NDUFAF2: variants seen among roughly 807,000 people sequenced by gnomAD.
NDUFAF2 encodes the protein NADH dehydrogenase [ubiquinone] 1 alpha subcomplex assembly factor 2.
NDUFAF2 carries 13 observed loss-of-function variants against 22.8 expected under a neutral mutation model. The ratio of observed to expected loss-of-function variants is 0.57; its 90% confidence interval spans 0.37 to 0.91. The LOEUF (loss-of-function observed/expected upper bound fraction) is 0.91. NDUFAF2 is among the 40% of genes least tolerant of loss of function. The pLI is 0.01. For synonymous variants in NDUFAF2, 53 were observed against 64.2 expected, an observed-to-expected ratio of 0.83 and a Z score of 0.84; for missense variants, 162 against 195.2, an observed-to-expected ratio of 0.83 and a Z score of 1.01.
intron 1 of NDUFAF2, among the ~76,000 whole-genome samples, chr5:61,023,561 A>C (rs968730968): frequency 6.6e-6 from 1 of 152,154 alleles, no homozygotes; most frequent in Non-Finnish European, 1.5e-5. Context: ...ATTTACATCT[A>C]CATCTTTTGG....
chr5:60,998,797 G>A (rs1028172992), intron 1 of NDUFAF2, among the ~76,000 whole-genome samples: 2 of 136,538 alleles, frequency 1.5e-5, no homozygotes, highest in African/African-American at 5.1e-5. Context: ...TTTATCAATT[G>A]TTCATAACTT....
At chr5:61,078,117 TA>T (rs1369574238) in intron 2 of NDUFAF2, among the ~76,000 whole-genome samples, 2 of 152,222 alleles carry the variant, frequency 1.3e-5, no homozygotes, top group Admixed American at 6.5e-5. Context: ...TTTTTGTTTT[TA>T]TCTCACTTTG....
chr5:60,952,894 A>G (rs1750566682), intron 1 of NDUFAF2, among the ~76,000 whole-genome samples: 1 of 152,080 alleles, frequency 6.6e-6, no homozygotes, highest in Admixed American at 6.5e-5. Flanking sequence ...CACATTTATA[A>G]TTGAAAGATA....
At chr5:61,079,352 T>C (rs1191873565) in intron 2 of NDUFAF2, among the ~76,000 whole-genome samples, 1 of 152,228 alleles carries the variant, frequency 6.6e-6, no homozygotes, top group African/African-American at 2.4e-5. Context: ...TGTTCTAGAA[T>C]CAAGACTTAT....
chr5:61,089,958 A>G (rs1029907838), intron 2 of NDUFAF2, among the ~76,000 whole-genome samples: 1 of 151,798 alleles, frequency 6.6e-6, no homozygotes, highest in African/African-American at 2.4e-5. Context: ...GCTGTTTTAT[A>G]GACTCATCAG....
chr5:61,048,046 C>G (rs1751975207), intron 1 of NDUFAF2, among the ~76,000 whole-genome samples: 2 of 152,146 alleles, frequency 1.3e-5, no homozygotes, highest in Non-Finnish European at 2.9e-5. Flanking sequence ...TTCCCTCTCA[C>G]AAGTGCCTTA....
intron 1 of NDUFAF2, among the ~76,000 whole-genome samples, chr5:61,066,737 T>A: frequency 6.6e-6 from 1 of 152,166 alleles, no homozygotes; most frequent in East Asian, 1.9e-4. Context: ...CCAAATATAG[T>A]CTAAATGGTA....
intron 1 of NDUFAF2, among the ~76,000 whole-genome samples, chr5:61,042,055 G>A (rs1009630449): frequency 2.0e-5 from 3 of 152,160 alleles, no homozygotes; most frequent in African/African-American, 4.8e-5. Flanking sequence ...TAATACGCTA[G>A]AGTCTTTTTT....
intron 3 of NDUFAF2, among the ~76,000 whole-genome samples, chr5:61,140,312 T>C (rs1275999584): frequency 2.0e-5 from 3 of 152,234 alleles, no homozygotes; most frequent in African/African-American, 7.2e-5. Flanking sequence ...CTCAATACCA[T>C]TGTCTTGGTT....
At chr5:61,053,499 A>G (rs1318771782) in intron 1 of NDUFAF2, among the ~76,000 whole-genome samples, 2 of 152,222 alleles carry the variant, frequency 1.3e-5, no homozygotes, top group Admixed American at 1.3e-4. Flanking sequence ...TTTATAGCTT[A>G]TGATCATAGA....
At position 61,102,248 on chromosome 5, in the gene NDUFAF2, T is replaced by C. The variant is rs556517438; in HGVS notation, c.258+3216T>C. Among the ~76,000 whole-genome samples, 3 of 152,274 alleles carry C rather than the reference T, an allele frequency of 2.0e-5. No homozygotes were observed. The East Asian group carries it at 5.8e-4, about 29-fold the overall frequency. ...CAGCCATGAAAAAGGAGATGAAAAT[T>C]AAAGGGCTAATACTGTCTGACTTTA... On this transcript the variant is annotated intron_variant, in intron 3 of 3. Transcript: ENST00000296597.
chr5:60,952,964 A>G (rs1193981981), intron 1 of NDUFAF2, among the ~76,000 whole-genome samples: 2 of 152,142 alleles, frequency 1.3e-5, no homozygotes, highest in Admixed American at 6.5e-5. Context: ...AAAAAGAGCA[A>G]TTAGCAAGCT....
chr5:61,064,256 A>G (rs1580118902), intron 1 of NDUFAF2, among the ~76,000 whole-genome samples: 1 of 152,136 alleles, frequency 6.6e-6, no homozygotes, highest in Non-Finnish European at 1.5e-5. Flanking sequence ...GCAAATATTA[A>G]TGGACATGAA....
chr5:61,045,946 C>A (rs1382865574), intron 1 of NDUFAF2, among the ~76,000 whole-genome samples: 1 of 152,012 alleles, frequency 6.6e-6, no homozygotes, highest in South Asian at 2.1e-4. Context: ...ATGTAAACTG[C>A]GGGCTTGTCA....
chr5:60,945,577 C>A, intron 1 of NDUFAF2, 195 bp downstream of exon 1: 1 of 835,864 alleles, frequency 1.2e-6, no homozygotes, highest in South Asian at 1.6e-5. Flanking sequence ...CGGCTCTGGG[C>A]GCCTTGGCCC....
chr5:61,040,177 A>G (rs2545493), intron 1 of NDUFAF2, among the ~76,000 whole-genome samples: 135,347 of 151,700 alleles, frequency 0.89, 60,419 homozygotes, highest in East Asian at 0.95. Context: ...TTGTCTATAC[A>G]GTTAAGTTAA....
chr5:61,011,749 C>T (rs751644494), intron 1 of NDUFAF2, among the ~76,000 whole-genome samples: 8 of 152,084 alleles, frequency 5.3e-5, no homozygotes, highest in Non-Finnish European at 1.0e-4. Context: ...TATCATTGGT[C>T]TTCCCTGGCA....
intron 1 of NDUFAF2, among the ~76,000 whole-genome samples, chr5:61,006,629 T>C (rs1751370280): frequency 1.3e-5 from 2 of 152,158 alleles, no homozygotes; most frequent in South Asian, 4.1e-4. Context: ...GAGCACTGAT[T>C]TGTAGTTCTC....
At chr5:61,121,841 C>G (rs114315313) in intron 3 of NDUFAF2, among the ~76,000 whole-genome samples, 1 of 138,456 alleles carries the variant, frequency 7.2e-6, no homozygotes, top group Non-Finnish European at 1.6e-5. Flanking sequence ...TTTTTTTTTT[C>G]TTTTTTTTTT....
Sources: gnomAD v4.1 joint callset for allele counts (sites outside exome capture counted in the v4.1 genomes callset) on GRCh38, gnomAD v4.1.1 for gene constraint, MANE v1.5 for transcripts, NCBI Gene and HGNC (gene_info 2026-07-23, HGNC 2026-07-21) for gene names.